CORO2B: variants seen among roughly 807,000 people sequenced by gnomAD.
CORO2B encodes the protein coronin 2B, also known as coronin-2B.
Under a neutral mutation model 58.8 loss-of-function variants are expected in CORO2B, and 26 were observed. The ratio of observed to expected loss-of-function variants is 0.44; its 90% CI spans 0.32 to 0.61. The LOEUF (loss-of-function observed/expected upper bound fraction) is 0.61. CORO2B is among the 20% of genes least tolerant of loss of function. CORO2B has a pLI of 0.04. For synonymous variants in CORO2B, 242 were observed against 253.8 expected, an observed-to-expected ratio of 0.95 and a Z score of 0.44; for missense variants, 460 against 645.1, an observed-to-expected ratio of 0.71 and a Z score of 3.11.
intron 2 of CORO2B, among the ~76,000 whole-genome samples, chr15:68,690,646 C>CT (rs765999578): frequency 0.015 from 1,591 of 102,822 alleles, 16 homozygotes; most frequent in Non-Finnish European, 0.023. Flanking sequence ...CGTTAGCTTT[C>CT]TTTTTTTTTT....
At chr15:68,682,890 A>G (rs1438448095) in intron 2 of CORO2B, among the ~76,000 whole-genome samples, 1 of 152,092 alleles carries the variant, frequency 6.6e-6, no homozygotes, top group Non-Finnish European at 1.5e-5. Context: ...TTCCTTTCAC[A>G]CTACAGGAGA....
At chr15:68,531,360 G>T in the CORO2B span, among the ~76,000 whole-genome samples, 4 of 151,950 alleles carry the variant, frequency 2.6e-5, no homozygotes, top group Middle Eastern at 3.4e-3. Context: ...AGCCGAGTGC[G>T]GTGATGTGTG....
intron 2 of CORO2B, among the ~76,000 whole-genome samples, chr15:68,679,339 A>C (rs1902697941): frequency 6.6e-6 from 1 of 152,168 alleles, no homozygotes; most frequent in Non-Finnish European, 1.5e-5. Context: ...ACACTTTCTG[A>C]GCACATGCAC....
At chr15:68,609,407 G>A (rs1355857078) in intron 1 of CORO2B, among the ~76,000 whole-genome samples, 1 of 152,190 alleles carries the variant, frequency 6.6e-6, no homozygotes, top group Non-Finnish European at 1.5e-5. Flanking sequence ...TTTAAGAAGA[G>A]GGCTGTGGCT....
intron 3 of CORO2B, among the ~76,000 whole-genome samples, chr15:68,700,628 G>A (rs569042245): frequency 6.6e-6 from 1 of 152,306 alleles, no homozygotes; most frequent in Non-Finnish European, 1.5e-5. Flanking sequence ...AACTCTCCCT[G>A]GCATCTGGCA....
the CORO2B span, among the ~76,000 whole-genome samples, chr15:68,550,265 G>A: frequency 6.6e-6 from 1 of 152,106 alleles, no homozygotes; most frequent in African/African-American, 2.4e-5. Flanking sequence ...AAGAACCCCC[G>A]GGATGTAATG....
chr15:68,722,120 G>C (rs1305250211), intron 11 of CORO2B, among the ~76,000 whole-genome samples: 1 of 152,200 alleles, frequency 6.6e-6, no homozygotes, highest in Non-Finnish European at 1.5e-5. Flanking sequence ...TGATAGCCCA[G>C]GAGGGCAATA....
intron 11 of CORO2B, among the ~76,000 whole-genome samples, chr15:68,723,628 A>G (rs1044337200): frequency 1.3e-5 from 2 of 151,078 alleles, no homozygotes; most frequent in Non-Finnish European, 1.5e-5. Context: ...TAATTTTTAT[A>G]TTTTTAGTAG....
chr15:68,603,172 T>C (rs771648289), intron 1 of CORO2B, among the ~76,000 whole-genome samples: 9 of 152,170 alleles, frequency 5.9e-5, no homozygotes, highest in Non-Finnish European at 8.8e-5. Flanking sequence ...AATTGTCCAC[T>C]GTGTCTTACA....
chr15:68,572,996 T>C, the CORO2B span, among the ~76,000 whole-genome samples: 3 of 152,170 alleles, frequency 2.0e-5, no homozygotes, highest in South Asian at 6.2e-4. Context: ...CATACAGTCC[T>C]ACACACTCAT....
chr15:68,611,525 AT>A (rs547215578), intron 1 of CORO2B, among the ~76,000 whole-genome samples: 2 of 151,828 alleles, frequency 1.3e-5, no homozygotes, highest in African/African-American at 2.4e-5. Context: ...AATATTTCAA[AT>A]TTTTTTTATC....
At chr15:68,534,046 T>A in the CORO2B span, among the ~76,000 whole-genome samples, 1 of 152,154 alleles carries the variant, frequency 6.6e-6, no homozygotes, top group Non-Finnish European at 1.5e-5. Flanking sequence ...GCCTCATAGT[T>A]CTCCATGCAT....
At chr15:68,588,712 C>T (rs549489479) in intron 1 of CORO2B, among the ~76,000 whole-genome samples, 2 of 152,274 alleles carry the variant, frequency 1.3e-5, no homozygotes, top group South Asian at 4.1e-4. Flanking sequence ...ATCATTTAAA[C>T]ACCTTGAGTT....
At chr15:68,658,411 G>GGGGGGCC (rs1446483980) in intron 2 of CORO2B, among the ~76,000 whole-genome samples, 7 of 152,256 alleles carry the variant, frequency 4.6e-5, no homozygotes, top group Admixed American at 1.3e-4. Context: ...TTCGGCCAGT[G>GGGGGGCC]AGGGGCCAGT....
rs538158048 is a variant in CORO2B at position 68,621,743 on chromosome 15, C to T, written c.16-23417C>T. Among the ~76,000 whole-genome samples, 110 of 150,546 alleles carry T rather than the reference C, an allele frequency of 7.3e-4. 1 individual carries two copies. The South Asian group carries it at 0.014, about 19-fold the overall frequency. Reference sequence around the variant, plus strand: ...GCTCAGTTCAGCTCCTTGACAGTCACGTGACATTGGGCAAGTTTCACTTCT... The same window carrying T: ...GCTCAGTTCAGCTCCTTGACAGTCATGTGACATTGGGCAAGTTTCACTTCT... On this transcript the variant is annotated intron_variant, in intron 1 of 11. Coordinates refer to ENST00000261861, the MANE Select transcript of CORO2B (RefSeq NM_006091.5).
intron 1 of CORO2B, chr15:68,616,608 A>G (rs1452547282): frequency 3.0e-6 from 3 of 985,326 alleles, no homozygotes; most frequent in East Asian, 1.1e-4. Context: ...AATGATTCTG[A>G]CAAGCGGTGA....
chr15:68,617,111 G>A (rs1437356097), intron 1 of CORO2B, among the ~76,000 whole-genome samples: 1 of 152,172 alleles, frequency 6.6e-6, no homozygotes, highest in African/African-American at 2.4e-5. Context: ...CTGAGACAGA[G>A]CCAGGTCTGT....
chr15:68,534,226 G>GC, the CORO2B span, among the ~76,000 whole-genome samples: 8 of 152,220 alleles, frequency 5.3e-5, no homozygotes, highest in South Asian at 1.7e-3. Flanking sequence ...ACCTCCTTGT[G>GC]CATACACATA....
intron 1 of CORO2B, among the ~76,000 whole-genome samples, chr15:68,597,843 A>C (rs1292713166): frequency 6.6e-6 from 1 of 152,004 alleles, no homozygotes; most frequent in East Asian, 1.9e-4. Flanking sequence ...GAGGCATCTG[A>C]CCCATTAGGG....
Sources: allele counts gnomAD v4.1 joint callset (sites outside exome capture counted in the v4.1 genomes callset), GRCh38; gene constraint gnomAD v4.1.1; transcripts MANE v1.5; gene names NCBI Gene and HGNC (gene_info 2026-07-23, HGNC 2026-07-21).